The following DLGAP2 variants were observed in gnomAD, a reference collection of about 807,000 sequenced individuals.
DLGAP2 encodes the protein DLG associated protein 2.
DLGAP2 carries 26 observed loss-of-function variants against 100.3 expected under a neutral mutation model. That is an observed-to-expected ratio of 0.26 (90% CI 0.19 to 0.36). The LOEUF (loss-of-function observed/expected upper bound fraction) is 0.36. Ranked by LOEUF, DLGAP2 falls within the 10% of genes least tolerant of loss-of-function variation. The probability of loss-of-function intolerance (pLI) is 1.00; values close to 1 mark genes in which losing one functional copy is unlikely to be tolerated. For synonymous variants in DLGAP2, 886 were observed against 630.1 expected, an observed-to-expected ratio of 1.41 and a Z score of -6.08; for missense variants, 1,858 against 1,453.2, an observed-to-expected ratio of 1.28 and a Z score of -4.53.
intron 1 of DLGAP2, among the ~76,000 whole-genome samples, chr8:876,836 C>G (rs1195035318): frequency 6.6e-6 from 1 of 152,196 alleles, no homozygotes; most frequent in Admixed American, 6.5e-5. Flanking sequence ...TTTCCTGTCT[C>G]TGCTTTAGCT....
chr8:1,689,005 T>C (rs1340148804), intron 12 of DLGAP2, among the ~76,000 whole-genome samples: 3 of 152,260 alleles, frequency 2.0e-5, no homozygotes, highest in Non-Finnish European at 2.9e-5. Context: ...TGCAGCACCC[T>C]GGCTTGGGCA....
chr8:1,686,494 C>T (rs1355992209), intron 12 of DLGAP2, among the ~76,000 whole-genome samples: 1 of 152,062 alleles, frequency 6.6e-6, no homozygotes, highest in Non-Finnish European at 1.5e-5. Flanking sequence ...ATGGTGAAAC[C>T]CTGTCTCAAC....
chr8:972,594 A>T (rs1170979584), intron 2 of DLGAP2, among the ~76,000 whole-genome samples: 2 of 134,150 alleles, frequency 1.5e-5, no homozygotes, highest in East Asian at 4.2e-4. Context: ...AAGGTAGAAA[A>T]TATTTTTTTT....
chr8:910,136 C>G (rs565979780), intron 2 of DLGAP2, among the ~76,000 whole-genome samples: 53 of 152,334 alleles, frequency 3.5e-4, no homozygotes, highest in African/African-American at 1.2e-3. Flanking sequence ...AGCGAATGCT[C>G]CAAACTGGGC....
chr8:966,095 G>A (rs1374275530), intron 2 of DLGAP2, among the ~76,000 whole-genome samples: 6 of 152,198 alleles, frequency 3.9e-5, no homozygotes, highest in Non-Finnish European at 8.8e-5. Flanking sequence ...TCCCTGATGA[G>A]GTCAGTCACG....
intron 2 of DLGAP2, among the ~76,000 whole-genome samples, chr8:1,258,352 A>T (rs770715129): frequency 3.3e-5 from 5 of 152,092 alleles, no homozygotes; most frequent in Non-Finnish European, 7.3e-5. Context: ...ACCAAACACC[A>T]CATGATCTCA....
At chr8:1,326,553 G>T (rs966903340) in intron 3 of DLGAP2, among the ~76,000 whole-genome samples, 67 of 152,058 alleles carry the variant, frequency 4.4e-4, no homozygotes, top group African/African-American at 1.6e-3. Flanking sequence ...TCAGGACATG[G>T]CACGCACTCG....
At chr8:1,633,777 C>T (rs550562553) in intron 8 of DLGAP2, among the ~76,000 whole-genome samples, 1 of 152,230 alleles carries the variant, frequency 6.6e-6, no homozygotes, top group African/African-American at 2.4e-5. Flanking sequence ...GTGTTGGGGA[C>T]TGAGGTGTTC....
chr8:957,215 T>A lies in DLGAP2; in HGVS notation c.73+49249T>A, dbSNP rs560740492. ...GGATAACGGCAAGAGCTGGGGGCCT[T>A]TGAAGGCAGGGTCAGTGCTTGTGGG... On this transcript the variant is annotated intron_variant, in intron 2 of 14. Coordinates refer to ENST00000637795, the MANE Select transcript of DLGAP2 (RefSeq NM_001346810.2). 2.0e-5 allele frequency among the ~76,000 whole-genome samples: 3 copies of A among 152,258 alleles called. No individual in the cohort carries two copies. In the East Asian group the frequency reaches 5.8e-4, roughly 29 times the overall value.
In DLGAP2 at chr8:1,283,773, C is replaced by G. The variant is rs546403936; in HGVS notation, c.106+24890C>G. ...ATAAGTAAATATTCAGAAAAAGCTT[C>G]AAGTAAAGCATATTTACTGCTATTT... On this transcript the variant is annotated intron_variant, in intron 3 of 14. Coordinates refer to ENST00000637795, the MANE Select transcript of DLGAP2 (RefSeq NM_001346810.2). Among the ~76,000 whole-genome samples the G allele has an allele frequency of 3.3e-5, 5 of 152,296 alleles. No individual in the cohort carries two copies. The South Asian group carries it at 1.0e-3, about 32-fold the overall frequency.
intron 2 of DLGAP2, among the ~76,000 whole-genome samples, chr8:946,879 C>T (rs1300326203): frequency 3.3e-5 from 5 of 152,210 alleles, no homozygotes; most frequent in Non-Finnish European, 7.3e-5. Flanking sequence ...CAGCAGCCTT[C>T]GTAGCACAGT....
chr8:1,408,256 G>C (rs534754030), intron 3 of DLGAP2, among the ~76,000 whole-genome samples: 16 of 152,140 alleles, frequency 1.1e-4, no homozygotes, highest in Non-Finnish European at 2.1e-4. Flanking sequence ...CACTTTCCGC[G>C]ATGCCATTTC....
At chr8:1,338,401 A>C (rs1801337157) in intron 3 of DLGAP2, among the ~76,000 whole-genome samples, 1 of 152,198 alleles carries the variant, frequency 6.6e-6, no homozygotes, top group African/African-American at 2.4e-5. Flanking sequence ...AAGTCCACCT[A>C]CTGCATGATT....
chr8:1,517,012 A>G (rs1800416213), intron 4 of DLGAP2, among the ~76,000 whole-genome samples: 1 of 152,116 alleles, frequency 6.6e-6, no homozygotes, highest in South Asian at 2.1e-4. Flanking sequence ...CAGGGTGCAG[A>G]GGTGAGGAAG....
At chr8:930,193 G>A (rs945273293) in intron 2 of DLGAP2, among the ~76,000 whole-genome samples, 1 of 152,168 alleles carries the variant, frequency 6.6e-6, no homozygotes, top group East Asian at 1.9e-4. Context: ...CCAGGGCTAC[G>A]CAGCCCCTTG....
Position 763,276 on chromosome 8 carries a change from G to C in DLGAP2, c.18+25451G>C, listed in dbSNP as rs143770978. Among the ~76,000 whole-genome samples, 120 of 152,322 alleles carry C rather than the reference G, an allele frequency of 7.9e-4. 3 individuals are homozygous for C. In the East Asian group the frequency reaches 0.021, roughly 26 times the overall value. On this transcript the variant is annotated intron_variant, in intron 1 of 14. Coordinates refer to ENST00000637795, the MANE Select transcript of DLGAP2 (RefSeq NM_001346810.2). Reference sequence around the variant, plus strand: ...CGCGTGCTACTGCTGTATTTATTGAGAAGGTTGCTTGTTAAGGACGCACAT... The same window carrying C: ...CGCGTGCTACTGCTGTATTTATTGACAAGGTTGCTTGTTAAGGACGCACAT...
intron 3 of DLGAP2, among the ~76,000 whole-genome samples, chr8:1,365,110 C>T (rs1403500037): frequency 4.6e-5 from 7 of 152,160 alleles, no homozygotes; most frequent in Admixed American, 3.3e-4. Flanking sequence ...AGATGCTCTA[C>T]GAAGCGGGAG....
At chr8:1,699,245 G>A (rs1397191432) in intron 14 of DLGAP2, among the ~76,000 whole-genome samples, 3 of 152,270 alleles carry the variant, frequency 2.0e-5, no homozygotes, top group South Asian at 4.1e-4. Context: ...GCCAAGGTGG[G>A]TGGATCACGA....
chr8:1,362,603 G>A (rs190463312), intron 3 of DLGAP2, among the ~76,000 whole-genome samples: 6 of 152,144 alleles, frequency 3.9e-5, no homozygotes, highest in African/African-American at 1.4e-4. Context: ...TCTGACGCGA[G>A]GCCATCTCTC....
Sources: allele counts gnomAD v4.1 joint callset (sites outside exome capture counted in the v4.1 genomes callset), GRCh38; gene constraint gnomAD v4.1.1; transcripts MANE v1.5; gene names NCBI Gene and HGNC (gene_info 2026-07-23, HGNC 2026-07-21).